Variants in TSPEAR observed in about 807,000 individuals in gnomAD.
TSPEAR encodes the protein thrombospondin-type laminin G domain and EAR repeat-containing protein.
Under a neutral mutation model 71.6 loss-of-function variants are expected in TSPEAR, and 69 were observed. The observed-to-expected ratio is 0.96, with a 90% CI of 0.79 to 1.18. The LOEUF is 1.18. Ranked by LOEUF, TSPEAR falls within the 50% of genes most tolerant of loss-of-function variation. The pLI is 0.00. For synonymous variants in TSPEAR, 402 were observed against 387.2 expected, an observed-to-expected ratio of 1.04 and a Z score of -0.45; for missense variants, 971 against 894.9, an observed-to-expected ratio of 1.09 and a Z score of -1.09.
chr21:44,689,712 A>ATATATATATATATATATATATATATAT (rs1555949491), intron 1 of TSPEAR, among the ~76,000 whole-genome samples: 695 of 61,918 alleles, frequency 0.011, 109 homozygotes, highest in South Asian at 0.014. Context: ...GAATAGAATG[A>ATATATATATATATATATATATATATAT]ATATATATAT....
At chr21:44,594,380 G>A (rs1420374581) in intron 1 of TSPEAR, among the ~76,000 whole-genome samples, 2 of 152,212 alleles carry the variant, frequency 1.3e-5, no homozygotes, top group Non-Finnish European at 2.9e-5. Context: ...TACTCAGGCT[G>A]CGAGGAACTG....
intron 1 of TSPEAR, among the ~76,000 whole-genome samples, chr21:44,670,746 C>A (rs1555945757): frequency 6.6e-6 from 1 of 152,178 alleles, no homozygotes; most frequent in African/African-American, 2.4e-5. Flanking sequence ...AGGTCCTGAG[C>A]AGCTGTAGCA....
At chr21:44,547,556 T>G (rs1234567314) in intron 2 of TSPEAR, among the ~76,000 whole-genome samples, 1 of 152,252 alleles carries the variant, frequency 6.6e-6, no homozygotes, top group African/African-American at 2.4e-5. Context: ...GGATTGTGGT[T>G]GTTTTTGCTT....
At chr21:44,669,042 A>T (rs10854464) in intron 1 of TSPEAR, among the ~76,000 whole-genome samples, 80,057 of 152,034 alleles carry the variant, frequency 0.53, 21,751 homozygotes, top group African/African-American at 0.66. Flanking sequence ...CTTGAAGCAC[A>T]TCAATAGAAA....
chr21:44,528,890 G>T (rs112850766), intron 5 of TSPEAR, among the ~76,000 whole-genome samples: 1 of 152,242 alleles, frequency 6.6e-6, no homozygotes. Context: ...AGTCCTCAGC[G>T]ATTGCACAGG....
chr21:44,696,566 G>C lies in TSPEAR; in HGVS notation c.82+14867C>G, dbSNP rs180811678. On this transcript the variant is annotated intron_variant, in intron 1 of 11. Coordinates refer to ENST00000323084, the MANE Select transcript of TSPEAR (RefSeq NM_144991.3). ...ACACAGCAAGACCTATCACATGACT[G>C]TTTGCCGAAAAAAATAAAAATAAAT... 9.1e-4 allele frequency among the ~76,000 whole-genome samples: 138 copies of C among 152,252 alleles called. 1 individual carries two copies. Among genetic ancestry groups the C allele is most frequent in the African/African-American group, 3.0e-3 (123 of 41,546 alleles).
At chr21:44,616,356 G>A (rs1002094127) in intron 1 of TSPEAR, among the ~76,000 whole-genome samples, 5 of 152,146 alleles carry the variant, frequency 3.3e-5, no homozygotes, top group African/African-American at 1.2e-4. Flanking sequence ...CCTTGGGGGT[G>A]GGCACCTCCC....
chr21:44,505,206 G>A lies in TSPEAR; in HGVS notation c.1755-325C>T, dbSNP rs138892137. ...CGATTCTCCTGCCTCAGCCTCCCGAGTAGCTGGGATTACAAGTGTGCGGCA... is the reference window on the plus strand; with the variant it reads ...CGATTCTCCTGCCTCAGCCTCCCGAATAGCTGGGATTACAAGTGTGCGGCA... On this transcript the variant is annotated intron_variant, in intron 10 of 11. Transcript: ENST00000323084. Among the ~76,000 whole-genome samples the A allele has an allele frequency of 6.0e-3, 913 of 152,156 alleles. 14 individuals are homozygous for A. The highest frequency in any genetic ancestry group is 0.019 in the African/African-American group (797 of 41,492).
intron 2 of TSPEAR, among the ~76,000 whole-genome samples, chr21:44,536,709 A>G (rs1324512177): frequency 6.6e-6 from 1 of 152,180 alleles, no homozygotes; most frequent in Non-Finnish European, 1.5e-5. Flanking sequence ...AACAATAGAA[A>G]TGGGAGTTTT....
At chr21:44,626,691 G>C (rs1490949850) in intron 1 of TSPEAR, among the ~76,000 whole-genome samples, 2 of 152,166 alleles carry the variant, frequency 1.3e-5, no homozygotes, top group Non-Finnish European at 2.9e-5. Flanking sequence ...CATACTAGAG[G>C]AGGAGTTTGC....
intron 1 of TSPEAR, chr21:44,601,438 C>T: frequency 6.2e-7 from 1 of 1,611,526 alleles, no homozygotes; most frequent in Non-Finnish European, 8.5e-7. Context: ...CTGCTGTAAG[C>T]CTGTGTGCTG....
At chr21:44,669,957 G>A (rs746550550) in intron 1 of TSPEAR, among the ~76,000 whole-genome samples, 9 of 152,196 alleles carry the variant, frequency 5.9e-5, no homozygotes, top group African/African-American at 1.4e-4. Flanking sequence ...AAGGAGGCAC[G>A]CTGAATACAG....
At chr21:44,524,155 T>A (rs868938582) in intron 8 of TSPEAR, among the ~76,000 whole-genome samples, 21 of 150,952 alleles carry the variant, frequency 1.4e-4, no homozygotes, top group African/African-American at 7.3e-5. Context: ...AGTCAGCTAG[T>A]CAAGTAGTTA....
At chr21:44,549,418 C>T (rs1353521717) in intron 2 of TSPEAR, among the ~76,000 whole-genome samples, 3 of 152,196 alleles carry the variant, frequency 2.0e-5, no homozygotes, top group Non-Finnish European at 4.4e-5. Flanking sequence ...ATCCACCTGG[C>T]GTTGCAGACA....
intron 1 of TSPEAR, chr21:44,702,111 C>T: frequency 9.9e-7 from 1 of 1,008,186 alleles, no homozygotes; most frequent in Non-Finnish European, 1.4e-6. Context: ...AAACTTCACC[C>T]AGGAGAGGCA....
intron 1 of TSPEAR, among the ~76,000 whole-genome samples, chr21:44,588,979 A>G (rs1365204489): frequency 2.0e-5 from 3 of 151,898 alleles, no homozygotes; most frequent in Non-Finnish European, 4.4e-5. Flanking sequence ...GAATGACACA[A>G]TGGACTTTGG....
chr21:44,580,494 G>C lies in TSPEAR; in HGVS notation c.83-12489C>G, dbSNP rs782699067. The C allele has an allele frequency of 3.7e-6, 6 of 1,613,338 alleles. No homozygotes were observed. In the Admixed American group the frequency reaches 1.0e-4, roughly 27 times the overall value. The stretch of plus-strand genomic sequence containing the variant: ...AGGCAGGGGGCGGTGCCGCAGGGGG[G>C]CTCACAGCAGCTCTCTGGGCAGTCG... On this transcript the variant is annotated intron_variant, in intron 1 of 11. Transcript: ENST00000323084.
chr21:44,514,695 A>G (rs1230317014), intron 9 of TSPEAR, among the ~76,000 whole-genome samples: 4 of 152,202 alleles, frequency 2.6e-5, no homozygotes, highest in Non-Finnish European at 4.4e-5. Flanking sequence ...TTCTAGGGAC[A>G]GAGCTCACTC....
intron 2 of TSPEAR, among the ~76,000 whole-genome samples, chr21:44,535,141 T>C (rs2053066976): frequency 6.6e-6 from 1 of 152,158 alleles, no homozygotes; most frequent in African/African-American, 2.4e-5. Flanking sequence ...GTTCTGGAGA[T>C]GGACGGTGGT....
Sources: gnomAD v4.1 joint callset for allele counts (sites outside exome capture counted in the v4.1 genomes callset) on GRCh38, gnomAD v4.1.1 for gene constraint, MANE v1.5 for transcripts, NCBI Gene and HGNC (gene_info 2026-07-23, HGNC 2026-07-21) for gene names.